The following CEP112 variants were observed in gnomAD, a reference collection of about 807,000 sequenced individuals.
CEP112 encodes the protein centrosomal protein of 112 kDa.
A neutral mutation model predicts 153.0 loss-of-function variants in CEP112; 127 were observed. The ratio of observed to expected loss-of-function variants is 0.83; its 90% CI spans 0.72 to 0.96. The LOEUF is 0.96. CEP112 is among the 40% of genes least tolerant of loss of function. The pLI is 0.00. For synonymous variants in CEP112, 358 were observed against 374.4 expected, an observed-to-expected ratio of 0.96 and a Z score of 0.51; for missense variants, 1,089 against 1,101.2, an observed-to-expected ratio of 0.99 and a Z score of 0.16.
intron 4 of CEP112, among the ~76,000 whole-genome samples, chr17:66,169,279 CTTCT>C (rs1298753176): frequency 1.3e-4 from 17 of 127,378 alleles, no homozygotes; most frequent in African/African-American, 5.0e-4. Flanking sequence ...TTTTTAATTT[CTTCT>C]TTTTTTTTTT....
At chr17:66,027,586 A>T in intron 15 of CEP112, 26 bp from the exon 16 acceptor site, 1 of 1,218,414 alleles carries the variant, frequency 8.2e-7, no homozygotes, top group South Asian at 1.5e-5. Flanking sequence ...GTTTATATTT[A>T]TTATACTTTA....
intron 16 of CEP112, among the ~76,000 whole-genome samples, chr17:66,025,999 A>G (rs1165347443): frequency 1.3e-5 from 2 of 148,962 alleles, no homozygotes; most frequent in African/African-American, 5.0e-5. Context: ...TTGTATGTAC[A>G]TTATCTTAAA....
intron 12 of CEP112, 41 bp downstream of exon 12, chr17:66,053,695 A>G: frequency 6.3e-7 from 1 of 1,579,232 alleles, no homozygotes; most frequent in Non-Finnish European, 8.6e-7. Context: ...GAAATTGAGA[A>G]GACAGGTTCT....
intron 4 of CEP112, among the ~76,000 whole-genome samples, chr17:66,141,388 T>G (rs889220617): frequency 1.4e-5 from 2 of 141,704 alleles, no homozygotes; most frequent in African/African-American, 5.2e-5. Context: ...GAAATTTCTC[T>G]TTTTAAAATA....
At chr17:66,022,415 A>T (rs953928747) in intron 16 of CEP112, among the ~76,000 whole-genome samples, 7 of 152,154 alleles carry the variant, frequency 4.6e-5, no homozygotes, top group Non-Finnish European at 1.0e-4. Context: ...AATTTTTGAA[A>T]TGCTAGATAA....
intron 8 of CEP112, among the ~76,000 whole-genome samples, chr17:66,086,277 T>C (rs866015596): frequency 1.2e-4 from 18 of 151,990 alleles, no homozygotes; most frequent in Middle Eastern, 3.4e-3. Flanking sequence ...TAGGGACATG[T>C]AAGGCTCTAA....
Position 65,901,182 on chromosome 17 carries a change from A to T in CEP112, c.2163+970T>A, listed in dbSNP as rs370648974. ...TAACAGAAGGTTTGTTTTGTTTGAA[A>T]ATTATATTATTTGCGGAGGAAGAAT... On this transcript the variant is annotated intron_variant, in intron 20 of 26. Coordinates refer to ENST00000535342, the MANE Select transcript of CEP112 (RefSeq NM_001199165.4). Among the ~76,000 whole-genome samples, 23 of 152,320 alleles carry T rather than the reference A, an allele frequency of 1.5e-4. 2 individuals carry two copies. Among genetic ancestry groups the T allele is most frequent in the African/African-American group, 5.1e-4 (21 of 41,576 alleles).
At chr17:65,663,369 A>G (rs185424061) in intron 24 of CEP112, among the ~76,000 whole-genome samples, 2 of 152,350 alleles carry the variant, frequency 1.3e-5, no homozygotes, top group East Asian at 3.9e-4. Context: ...TAGATGTTTG[A>G]TGGAATGAGA....
At chr17:65,874,519 G>A (rs533901312) in intron 20 of CEP112, among the ~76,000 whole-genome samples, 1 of 152,140 alleles carries the variant, frequency 6.6e-6, no homozygotes, top group East Asian at 1.9e-4. Context: ...GCACATGTTG[G>A]TTTCATCCAG....
chr17:65,872,804 A>G (rs1256351348), intron 20 of CEP112, among the ~76,000 whole-genome samples: 2 of 152,236 alleles, frequency 1.3e-5, no homozygotes, highest in African/African-American at 4.8e-5. Context: ...ATTTTTGATA[A>G]CAAAATCTTC....
chr17:65,685,385 G>T lies in CEP112; in HGVS notation c.2697+3744C>A, dbSNP rs541711726. On this transcript the variant is annotated intron_variant, in intron 24 of 26. Coordinates refer to ENST00000535342, the MANE Select transcript of CEP112 (RefSeq NM_001199165.4). ...AAGCAAGTTAAAAAAAGCAGCTTAG[G>T]ATTGTCTTTTGTAATTCTGCCAGTT... Among the ~76,000 whole-genome samples the T allele has an allele frequency of 5.9e-5, 9 of 152,300 alleles. No individual in the cohort carries two copies. In the South Asian group the frequency reaches 1.7e-3, roughly 28 times the overall value.
intron 17 of CEP112, among the ~76,000 whole-genome samples, chr17:65,974,707 T>G (rs1415175254): frequency 6.6e-6 from 1 of 152,124 alleles, no homozygotes; most frequent in Non-Finnish European, 1.5e-5. Context: ...AAAAGCAATG[T>G]GTACAAAAGT....
intron 24 of CEP112, among the ~76,000 whole-genome samples, chr17:65,666,113 C>A (rs569856107): frequency 4.6e-4 from 70 of 152,328 alleles, no homozygotes; most frequent in Admixed American, 2.5e-3. Context: ...AATTTATACA[C>A]AAAATCATAT....
At chr17:65,670,074 T>TA (rs1172924143) in intron 24 of CEP112, among the ~76,000 whole-genome samples, 4 of 152,082 alleles carry the variant, frequency 2.6e-5, no homozygotes, top group Admixed American at 6.5e-5. Flanking sequence ...AGGTGCTGAA[T>TA]AAATGTTTGC....
intron 21 of CEP112, among the ~76,000 whole-genome samples, chr17:65,837,839 G>A (rs568475717): frequency 1.3e-5 from 2 of 152,252 alleles, no homozygotes; most frequent in South Asian, 2.1e-4. Flanking sequence ...AGGGTTAAAT[G>A]GATTAAGGGT....
At chr17:65,903,285 G>A (rs767420505) in intron 19 of CEP112, 6 of 152,140 alleles carry the variant, frequency 3.9e-5, no homozygotes, top group Non-Finnish European at 7.4e-5. Flanking sequence ...TATTTTCGGC[G>A]TGAGAATCCA....
chr17:66,177,914 T>C (rs1353149987), intron 2 of CEP112, among the ~76,000 whole-genome samples: 3 of 152,240 alleles, frequency 2.0e-5, no homozygotes, highest in African/African-American at 7.2e-5. Flanking sequence ...TATGGCTGAA[T>C]AGTACTCCAT....
intron 8 of CEP112, among the ~76,000 whole-genome samples, chr17:66,074,814 G>C (rs1259891248): frequency 3.0e-5 from 4 of 131,892 alleles, no homozygotes; most frequent in Non-Finnish European, 6.1e-5. Context: ...AGTGAGCCAA[G>C]ATCGTGCCAC....
intron 24 of CEP112, among the ~76,000 whole-genome samples, chr17:65,654,317 C>A (rs2045949405): frequency 6.6e-6 from 1 of 152,178 alleles, no homozygotes; most frequent in Admixed American, 6.5e-5. Flanking sequence ...ATTTTCTTAA[C>A]AATCTTAAAA....
Sources: allele counts gnomAD v4.1 joint callset (sites outside exome capture counted in the v4.1 genomes callset), GRCh38; gene constraint gnomAD v4.1.1; transcripts MANE v1.5; gene names NCBI Gene and HGNC (gene_info 2026-07-23, HGNC 2026-07-21).